The following DEUP1 variants were observed in gnomAD, a reference collection of about 807,000 sequenced individuals.
DEUP1 encodes the protein deuterosome assembly protein 1.
In DEUP1, 82 loss-of-function variants were observed where a neutral mutation model predicts 87.4. That is an observed-to-expected ratio of 0.94 (90% CI 0.78 to 1.13). The LOEUF (loss-of-function observed/expected upper bound fraction) is 1.13. Ranked by LOEUF, DEUP1 falls within the 50% of genes most tolerant of loss-of-function variation. The pLI, the probability that DEUP1 is intolerant of heterozygous loss-of-function variation, is 0.00. For missense variants in DEUP1, 663 were observed against 681.5 expected, an observed-to-expected ratio of 0.97 and a Z score of 0.30; for synonymous variants, 214 against 222.7, an observed-to-expected ratio of 0.96 and a Z score of 0.35.
intron 2 of DEUP1, among the ~76,000 whole-genome samples, chr11:93,333,876 G>A (rs1042967100): frequency 1.3e-5 from 2 of 152,132 alleles, no homozygotes; most frequent in Non-Finnish European, 2.9e-5. Context: ...GTATGTGTTG[G>A]GTCCCTGGTG....
In DEUP1 at chr11:93,388,336, G is replaced by A. The variant is rs576772538; in HGVS notation, c.936-684G>A. On this transcript the variant is annotated intron_variant, in intron 8 of 13. Coordinates refer to ENST00000298050, the MANE Select transcript of DEUP1 (RefSeq NM_181645.4). ...CCTGACTTCCAGTAGAAAGCATGCT[G>A]CTTCCCCTACCTGGTTATCTTTATT... 3.3e-5 allele frequency among the ~76,000 whole-genome samples: 5 copies of A among 152,228 alleles called. No homozygotes were observed. The East Asian group carries it at 9.6e-4, about 29-fold the overall frequency.
At chr11:93,330,846 G>C (rs1054934973) in intron 1 of DEUP1, 74 bp downstream of exon 1, 1 of 152,492 alleles carries the variant, frequency 6.6e-6, no homozygotes, top group African/African-American at 2.4e-5. Flanking sequence ...GCGGGTCCTC[G>C]AGCGGGACAG....
At chr11:93,417,132 C>T (rs1266086228) in intron 13 of DEUP1, among the ~76,000 whole-genome samples, 1 of 143,700 alleles carries the variant, frequency 7.0e-6, no homozygotes, top group Non-Finnish European at 1.5e-5. Context: ...GACAGGGATG[C>T]CCTCTCTCAC....
intron 13 of DEUP1, among the ~76,000 whole-genome samples, chr11:93,428,852 A>G (rs1948018709): frequency 6.6e-6 from 1 of 151,740 alleles, no homozygotes; most frequent in Admixed American, 6.6e-5. Context: ...AATTAAAAAG[A>G]AAAAGAGTTG....
At chr11:93,331,889 CA>C (rs1488418061) in intron 1 of DEUP1, among the ~76,000 whole-genome samples, 5 of 152,066 alleles carry the variant, frequency 3.3e-5, no homozygotes, top group African/African-American at 9.7e-5. Context: ...ACTAAAAATA[CA>C]AAAATTAGCC....
At chr11:93,373,653 G>GTA (rs1491532655) in intron 7 of DEUP1, among the ~76,000 whole-genome samples, 12 of 104,764 alleles carry the variant, frequency 1.1e-4, no homozygotes, top group African/African-American at 3.2e-4. Context: ...ATATATATAC[G>GTA]TATATATATG....
intron 2 of DEUP1, among the ~76,000 whole-genome samples, chr11:93,347,446 A>G (rs1591099571): frequency 6.6e-6 from 1 of 152,126 alleles, no homozygotes; most frequent in Non-Finnish European, 1.5e-5. Context: ...TTTTGCATCT[A>G]TGTTCATCAA....
chr11:93,356,714 G>A (rs1365394956), intron 3 of DEUP1, among the ~76,000 whole-genome samples: 1 of 152,126 alleles, frequency 6.6e-6, no homozygotes, highest in Non-Finnish European at 1.5e-5. Context: ...ATGATGATAA[G>A]GATCTTTTGT....
intron 7 of DEUP1, among the ~76,000 whole-genome samples, chr11:93,373,625 G>GTGTGTATATATA (rs796309948): frequency 3.0e-3 from 200 of 66,988 alleles, no homozygotes; most frequent in African/African-American, 7.4e-3. Context: ...ATATATATAC[G>GTGTGTATATATA]TATATATATA....
intron 3 of DEUP1, 83 bp downstream of exon 3, chr11:93,355,625 A>C: frequency 8.0e-7 from 1 of 1,253,210 alleles, no homozygotes; most frequent in Non-Finnish European, 1.1e-6. Context: ...TTTATTATAC[A>C]TACTTTTTAT....
intron 13 of DEUP1, among the ~76,000 whole-genome samples, chr11:93,429,407 G>T (rs1293470785): frequency 6.6e-6 from 1 of 152,078 alleles, no homozygotes; most frequent in Non-Finnish European, 1.5e-5. Context: ...GATCACTAAG[G>T]ACTTAAAGTA....
At chr11:93,373,612 T>C (rs142447832) in intron 7 of DEUP1, among the ~76,000 whole-genome samples, 1,480 of 86,732 alleles carry the variant, frequency 0.017, 20 homozygotes, top group East Asian at 0.051. Flanking sequence ...TATTTATATA[T>C]GTATATATAT....
chr11:93,431,489 T>C (rs1272747036), intron 13 of DEUP1, among the ~76,000 whole-genome samples: 2 of 152,210 alleles, frequency 1.3e-5, no homozygotes, highest in African/African-American at 4.8e-5. Context: ...TTGGATTTTA[T>C]TTTAAAACAA....
intron 9 of DEUP1, among the ~76,000 whole-genome samples, chr11:93,393,923 C>T (rs1591216145): frequency 6.6e-6 from 1 of 152,066 alleles, no homozygotes; most frequent in South Asian, 2.1e-4. Flanking sequence ...AAATAAGAGG[C>T]TTAAGTAAGG....
chr11:93,357,606 T>C (rs1402777663), intron 4 of DEUP1: 2 of 152,460 alleles, frequency 1.3e-5, no homozygotes, highest in African/African-American at 4.8e-5. Flanking sequence ...TTACCACAGA[T>C]AGCACGTAGG....
intron 7 of DEUP1, among the ~76,000 whole-genome samples, chr11:93,384,892 G>A (rs1372366227): frequency 6.6e-6 from 1 of 151,976 alleles, no homozygotes; most frequent in Admixed American, 6.6e-5. Flanking sequence ...TATCCCCAGA[G>A]CACCTAATAA....
chr11:93,333,463 A>G (rs973607955), intron 2 of DEUP1, among the ~76,000 whole-genome samples: 2 of 152,218 alleles, frequency 1.3e-5, no homozygotes, highest in Admixed American at 1.3e-4. Context: ...TTTTAGGAGT[A>G]TAACATGGAA....
At chr11:93,347,094 T>C (rs1944386920) in intron 2 of DEUP1, among the ~76,000 whole-genome samples, 1 of 152,142 alleles carries the variant, frequency 6.6e-6, no homozygotes, top group Non-Finnish European at 1.5e-5. Flanking sequence ...ATAGGAGTGG[T>C]GGGAGAGGGC....
chr11:93,414,201 T>C (rs1947531706), intron 12 of DEUP1, among the ~76,000 whole-genome samples: 1 of 152,088 alleles, frequency 6.6e-6, no homozygotes, highest in Non-Finnish European at 1.5e-5. Context: ...TCAAAATCTA[T>C]AGAAATTAGA....
Sources: allele counts gnomAD v4.1 joint callset (sites outside exome capture counted in the v4.1 genomes callset), GRCh38; gene constraint gnomAD v4.1.1; transcripts MANE v1.5; gene names NCBI Gene and HGNC (gene_info 2026-07-23, HGNC 2026-07-21).